The following TAFA1 variants were observed in gnomAD, a reference collection of about 807,000 sequenced individuals.
TAFA1 encodes TAFA chemokine like family member 1, also known as chemokine-like protein TAFA-1.
Under a neutral mutation model 18.5 loss-of-function variants are expected in TAFA1, and 4 were observed. The observed-to-expected ratio is 0.22, with a 90% CI of 0.11 to 0.49. The LOEUF (loss-of-function observed/expected upper bound fraction) is 0.49, where lower values mean the gene tolerates loss of function less well. TAFA1 is among the 20% of genes least tolerant of loss of function. The pLI, the probability that TAFA1 is intolerant of heterozygous loss-of-function variation, is 0.98. For synonymous variants in TAFA1, 56 were observed against 55.2 expected, an observed-to-expected ratio of 1.01 and a Z score of -0.06; for missense variants, 147 against 169.0, an observed-to-expected ratio of 0.87 and a Z score of 0.72.
chr3:68,053,688 A>G (rs2032986071), intron 2 of TAFA1, among the ~76,000 whole-genome samples: 1 of 152,050 alleles, frequency 6.6e-6, no homozygotes, highest in Non-Finnish European at 1.5e-5. Context: ...GGTTCCTTGG[A>G]AAATAATTTT....
intron 3 of TAFA1, among the ~76,000 whole-genome samples, chr3:68,419,329 C>T (rs1316763591): frequency 6.6e-6 from 1 of 152,116 alleles, no homozygotes; most frequent in African/African-American, 2.4e-5. Context: ...ACATTTTTAT[C>T]TACCATTTTC....
chr3:68,510,196 A>AGAGTCT (rs1491376558), intron 3 of TAFA1, among the ~76,000 whole-genome samples: 50 of 152,198 alleles, frequency 3.3e-4, no homozygotes, highest in African/African-American at 1.2e-3. Context: ...TCTCGTAGGC[A>AGAGTCT]GAGTCTGTTA....
At chr3:68,327,104 G>A (rs2068788375) in intron 2 of TAFA1, among the ~76,000 whole-genome samples, 1 of 152,144 alleles carries the variant, frequency 6.6e-6, no homozygotes, top group Non-Finnish European at 1.5e-5. Context: ...GAGTTCCCCT[G>A]CACAAACTCT....
the TAFA1 span, among the ~76,000 whole-genome samples, chr3:67,992,350 A>G: frequency 8.5e-5 from 13 of 152,234 alleles, no homozygotes; most frequent in Non-Finnish European, 1.3e-4. Context: ...CAATATACTT[A>G]GAGAGGCAAC....
At chr3:68,084,871 C>T (rs1243910351) in intron 2 of TAFA1, among the ~76,000 whole-genome samples, 1 of 151,396 alleles carries the variant, frequency 6.6e-6, no homozygotes, top group Non-Finnish European at 1.5e-5. Context: ...CGGCTGCCTT[C>T]TCTCCTATAC....
At chr3:68,145,822 C>T (rs1280856641) in intron 2 of TAFA1, among the ~76,000 whole-genome samples, 1 of 152,178 alleles carries the variant, frequency 6.6e-6, no homozygotes, top group East Asian at 1.9e-4. Flanking sequence ...AAAGTATTAA[C>T]TTGTACTGAT....
intron 3 of TAFA1, among the ~76,000 whole-genome samples, chr3:68,497,810 C>T (rs570594130): frequency 3.2e-4 from 48 of 152,312 alleles, no homozygotes; most frequent in African/African-American, 1.1e-3. Flanking sequence ...TTTCTTAGTA[C>T]AGCTTTGACT....
At chr3:68,013,393 C>G (rs950132847) in intron 2 of TAFA1, among the ~76,000 whole-genome samples, 4 of 152,060 alleles carry the variant, frequency 2.6e-5, no homozygotes, top group Non-Finnish European at 5.9e-5. Context: ...ATATTTGACT[C>G]TATTCAATTT....
intron 2 of TAFA1, among the ~76,000 whole-genome samples, chr3:68,174,093 C>T (rs998946277): frequency 1.3e-5 from 2 of 152,060 alleles, no homozygotes; most frequent in African/African-American, 4.8e-5. Flanking sequence ...GCAAAAAAGG[C>T]CCCATTCCAG....
chr3:68,252,650 G>T (rs1381615996), intron 2 of TAFA1, among the ~76,000 whole-genome samples: 1 of 152,160 alleles, frequency 6.6e-6, no homozygotes, highest in African/African-American at 2.4e-5. Context: ...GTGGCTATAA[G>T]TACTTTCTGA....
At chr3:68,045,301 CA>C (rs990452537) in intron 2 of TAFA1, among the ~76,000 whole-genome samples, 13 of 151,484 alleles carry the variant, frequency 8.6e-5, no homozygotes, top group African/African-American at 2.2e-4. Flanking sequence ...ATCCATTGAC[CA>C]AAAAAAAGTC....
chr3:68,032,835 GA>G (rs1249095209), intron 2 of TAFA1, among the ~76,000 whole-genome samples: 2 of 152,140 alleles, frequency 1.3e-5, no homozygotes, highest in Non-Finnish European at 2.9e-5. Flanking sequence ...GAATCTGGGG[GA>G]AAGTCAAAAT....
intron 2 of TAFA1, among the ~76,000 whole-genome samples, chr3:68,071,716 A>G (rs1439332103): frequency 6.6e-6 from 1 of 152,170 alleles, no homozygotes; most frequent in African/African-American, 2.4e-5. Context: ...AAAAGATTTA[A>G]TTGGCTCATG....
intron 2 of TAFA1, among the ~76,000 whole-genome samples, chr3:68,077,653 G>C (rs2064844013): frequency 1.3e-5 from 2 of 152,024 alleles, no homozygotes; most frequent in African/African-American, 4.8e-5. Flanking sequence ...GCTCTGTTCT[G>C]TTCCATTGAT....
chr3:68,495,362 C>G (rs2072526504), intron 3 of TAFA1, among the ~76,000 whole-genome samples: 1 of 152,140 alleles, frequency 6.6e-6, no homozygotes, highest in African/African-American at 2.4e-5. Flanking sequence ...CTCTGTTTTG[C>G]AGGTTGGCAA....
At chr3:68,268,492 A>G (rs897567848) in intron 2 of TAFA1, among the ~76,000 whole-genome samples, 1 of 152,148 alleles carries the variant, frequency 6.6e-6, no homozygotes, top group African/African-American at 2.4e-5. Context: ...TCTTCCTGTG[A>G]TATTTGACCT....
At chr3:68,422,560 G>T (rs889209421) in intron 3 of TAFA1, among the ~76,000 whole-genome samples, 1 of 152,082 alleles carries the variant, frequency 6.6e-6, no homozygotes, top group Non-Finnish European at 1.5e-5. Flanking sequence ...TTGCTTTAAG[G>T]TTGAGAATCT....
intron 2 of TAFA1, among the ~76,000 whole-genome samples, chr3:68,167,449 C>T (rs1280089957): frequency 2.6e-5 from 4 of 151,884 alleles, no homozygotes; most frequent in East Asian, 1.9e-4. Context: ...TGGCGGCGTG[C>T]GCCTGTAGTC....
chr3:68,274,703 C>T (rs1000884126), intron 2 of TAFA1, among the ~76,000 whole-genome samples: 5 of 152,102 alleles, frequency 3.3e-5, no homozygotes, highest in Admixed American at 6.6e-5. Context: ...TTTGTTCCCC[C>T]GCCCCGCCCC....
Sources: gnomAD v4.1 joint callset for allele counts (sites outside exome capture counted in the v4.1 genomes callset) on GRCh38, gnomAD v4.1.1 for gene constraint, MANE v1.5 for transcripts, NCBI Gene and HGNC (gene_info 2026-07-23, HGNC 2026-07-21) for gene names.